NETO1: variants seen among roughly 807,000 people sequenced by gnomAD.
NETO1 encodes the protein neuropilin and tolloid like 1.
In NETO1, 26 loss-of-function variants were observed where a neutral mutation model predicts 61.3. That is an observed-to-expected ratio of 0.42 (90% confidence interval 0.31 to 0.59). NETO1 has a LOEUF of 0.59. NETO1 is among the 20% of genes least tolerant of loss of function. The pLI is 0.12. For synonymous variants in NETO1, 225 were observed against 225.8 expected (o/e 1.00, Z 0.03); for missense variants, 531 against 662.8 (o/e 0.80, Z 2.18).
chr18:72,841,667 G>T (rs1256542077), intron 4 of NETO1, among the ~76,000 whole-genome samples: 1 of 133,890 alleles, frequency 7.5e-6, no homozygotes, highest in African/African-American at 2.8e-5. Flanking sequence ...CCTGAAGGCG[G>T]AGGTTGCAGT....
chr18:72,753,318 A>G (rs1568171307), intron 8 of NETO1, among the ~76,000 whole-genome samples: 1 of 152,186 alleles, frequency 6.6e-6, no homozygotes, highest in Non-Finnish European at 1.5e-5. Context: ...CACCTGAGTT[A>G]TCATCAGTGG....
chr18:72,807,740 A>C (rs1179186831), intron 4 of NETO1, among the ~76,000 whole-genome samples: 44 of 61,170 alleles, frequency 7.2e-4, no homozygotes, highest in Non-Finnish European at 2.3e-3. Context: ...ACACACACAC[A>C]CACACACACA....
In NETO1 at chr18:72,748,079, A is replaced by G. The variant is rs1233776142; in HGVS notation, c.*100T>C. On this transcript the variant is annotated 3_prime_UTR_variant, in exon 11 of 11. Transcript: ENST00000327305. ...TCTTAAGTTTGGATAAAGGCAGTGG[A>G]ATGAATTTAGAAATATGTCCACTTT... 1.6e-5 allele frequency: 14 copies of G among 903,016 alleles called. No individual in the cohort carries two copies. The allele number at this position is 903,016 out of a possible 1,614,324, so 55.9% of individuals were successfully genotyped here.
intron 4 of NETO1, among the ~76,000 whole-genome samples, chr18:72,846,534 A>AAAAAAAAAAAAAT (rs2074093515): frequency 6.8e-6 from 1 of 146,800 alleles, no homozygotes; most frequent in Non-Finnish European, 1.5e-5. Context: ...AAAAAAAAAA[A>AAAAAAAAAAAAAT]GAAGATGCAT....
At chr18:72,798,333 A>G (rs2072389977) in intron 4 of NETO1, among the ~76,000 whole-genome samples, 1 of 152,190 alleles carries the variant, frequency 6.6e-6, no homozygotes, top group Admixed American at 6.5e-5. Flanking sequence ...ATGCCTGATG[A>G]TCTGGGGTAG....
rs569955616 is a variant in NETO1, at chr18:72,830,043, G to A, written c.469+28783C>T. On this transcript the variant is annotated intron_variant, in intron 4 of 10. Transcript: ENST00000327305. The surrounding 1 kb of genome is among the most constrained non-coding windows in gnomAD (Gnocchi z 4.9). ...ATAAAGGTTCAAGATAAAGGGATTTGGGGTGGATCATAGTGTGTGTCTGTG... is the reference window on the plus strand; with the variant it reads ...ATAAAGGTTCAAGATAAAGGGATTTAGGGTGGATCATAGTGTGTGTCTGTG... Among the ~76,000 whole-genome samples, 8 of 152,302 alleles carry A rather than the reference G, an allele frequency of 5.3e-5. No homozygotes were observed. In the South Asian group the frequency reaches 1.7e-3, roughly 32 times the overall value.
intron 7 of NETO1, among the ~76,000 whole-genome samples, chr18:72,767,056 G>A (rs933996034): frequency 2.0e-5 from 3 of 152,118 alleles, no homozygotes; most frequent in Non-Finnish European, 2.9e-5. Context: ...GTCAGTAGCA[G>A]GTGGCTAGTT....
Position 72,858,999 on chromosome 18 carries a change from T to A in NETO1, c.296A>T (p.Asp99Val). The A allele has an allele frequency of 6.2e-7, 1 of 1,613,820 alleles. No homozygotes were observed. Among genetic ancestry groups the A allele is most frequent in the Non-Finnish European group, 8.5e-7 (1 of 1,179,848 alleles). ...SIEPSWECKF[D>V]HIEVRDGPFG... ...AGGTCCATCTCGAACTTCAATATGA[T>A]CAAATTTGCACTCCCAAGACGGTTC... Residue 99 changes from aspartate (D) to valine (V), a missense_variant, in exon 4 of 11, where the codon GAT becomes GTT. Transcript: ENST00000327305.
chr18:72,861,517 G>A (rs2074571849), intron 3 of NETO1, among the ~76,000 whole-genome samples: 1 of 152,162 alleles, frequency 6.6e-6, no homozygotes, highest in South Asian at 2.1e-4. Flanking sequence ...TAACACTGAG[G>A]TTAGTTCATG....
At chr18:72,811,232 C>T (rs1009893854) in intron 4 of NETO1, among the ~76,000 whole-genome samples, 1 of 152,162 alleles carries the variant, frequency 6.6e-6, no homozygotes, top group Non-Finnish European at 1.5e-5. Context: ...TGCCCACTCA[C>T]CCTAACGGCA....
At chr18:72,801,255 C>CTCTT (rs10680007) in intron 4 of NETO1, among the ~76,000 whole-genome samples, 32,949 of 151,970 alleles carry the variant, frequency 0.22, 4,399 homozygotes, top group East Asian at 0.43. Context: ...TCTGATTAGA[C>CTCTT]TCTTCCTCAG....
At position 72,750,392 on chromosome 18, in the gene NETO1, G is replaced by A; in HGVS notation, c.1211C>T (p.Thr404Ile). Residue 404 changes from threonine (T) to isoleucine (I), a missense_variant, in exon 9 of 11, where the codon ACA (threonine) becomes ATA (isoleucine). Coordinates refer to ENST00000327305, the MANE Select transcript of NETO1 (RefSeq NM_138966.5). Reference sequence around the variant, plus strand: ...ATCTGCCACATCTGCAAAGTCAGCTGTAGCTCCTGTCCCTCTGAGAGTGCA... The same window carrying A: ...ATCTGCCACATCTGCAAAGTCAGCTATAGCTCCTGTCCCTCTGAGAGTGCA... Reference protein sequence around the residue: ...ELCTLRGTGATADFADVADDF... With the variant: ...ELCTLRGTGAIADFADVADDF... 1 of 1,614,158 alleles carries A rather than the reference G, an allele frequency of 6.2e-7. No individual in the cohort carries two copies. Among genetic ancestry groups the A allele is most frequent in the Non-Finnish European group, 8.5e-7 (1 of 1,180,024 alleles).
intron 6 of NETO1, among the ~76,000 whole-genome samples, chr18:72,792,717 G>T (rs186951483): frequency 6.6e-6 from 1 of 151,820 alleles, no homozygotes; most frequent in Non-Finnish European, 1.5e-5. Flanking sequence ...GAAGCACTCC[G>T]GGTGAAGGCT....
intron 4 of NETO1, among the ~76,000 whole-genome samples, chr18:72,839,939 GA>G (rs2073874879): frequency 2.0e-5 from 3 of 152,180 alleles, no homozygotes; most frequent in Admixed American, 2.0e-4. Flanking sequence ...GGTACTCAAT[GA>G]ACATCCAGTT....
intron 4 of NETO1, among the ~76,000 whole-genome samples, chr18:72,818,162 C>T (rs1465930359): frequency 1.3e-5 from 2 of 152,120 alleles, no homozygotes; most frequent in African/African-American, 4.8e-5. Context: ...AACAAAACTA[C>T]TAAGATACTT....
chr18:72,860,939 A>G (rs780847964), intron 3 of NETO1, among the ~76,000 whole-genome samples: 8 of 152,188 alleles, frequency 5.3e-5, no homozygotes, highest in Admixed American at 1.3e-4. Flanking sequence ...AATCAGTATA[A>G]CAAGTTTTAT....
At chr18:72,822,794 T>C (rs1184884016) in intron 4 of NETO1, among the ~76,000 whole-genome samples, 1 of 152,152 alleles carries the variant, frequency 6.6e-6, no homozygotes, top group Non-Finnish European at 1.5e-5. Flanking sequence ...CATATAATCA[T>C]ATTTCCCCCA....
At chr18:72,837,254 A>G (rs1230767350) in intron 4 of NETO1, among the ~76,000 whole-genome samples, 1 of 152,176 alleles carries the variant, frequency 6.6e-6, no homozygotes, top group African/African-American at 2.4e-5. Flanking sequence ...GACATCATAA[A>G]CATGTGCAGG....
intron 7 of NETO1, among the ~76,000 whole-genome samples, chr18:72,775,794 A>G (rs555371511): frequency 7.2e-5 from 11 of 152,164 alleles, no homozygotes; most frequent in South Asian, 4.1e-4. Context: ...TCTGTTAACA[A>G]ATCATTAAGC....
Sources: allele counts gnomAD v4.1 joint callset (sites outside exome capture counted in the v4.1 genomes callset), GRCh38; gene constraint gnomAD v4.1.1; non-coding constraint Gnocchi (gnomAD v3.1); transcripts MANE v1.5; gene names NCBI Gene and HGNC (gene_info 2026-07-23, HGNC 2026-07-21).